The following RORA variants were observed in gnomAD, a reference collection of about 807,000 sequenced individuals.
RORA encodes RAR related orphan receptor A, also known as nuclear receptor ROR-alpha.
A neutral mutation model predicts 69.5 loss-of-function variants in RORA; 7 were observed. The observed-to-expected ratio is 0.10, with a 90% confidence interval of 0.06 to 0.19. The LOEUF is 0.19. Among genes scored for constraint, RORA ranks in the 10% least tolerant of loss-of-function variants. The pLI is 1.00. For synonymous variants in RORA, 261 were observed against 240.8 expected (o/e 1.08, Z -0.78); for missense variants, 457 against 663.0 (o/e 0.69, Z 3.41).
chr15:60,973,010 A>G (rs1893765845), intron 1 of RORA, among the ~76,000 whole-genome samples: 1 of 147,802 alleles, frequency 6.8e-6, no homozygotes, highest in Non-Finnish European at 1.5e-5. Context: ...AAAAAAAAAC[A>G]ATCAATGAGG....
At chr15:61,044,029 C>T (rs1896909740) in intron 1 of RORA, among the ~76,000 whole-genome samples, 1 of 152,124 alleles carries the variant, frequency 6.6e-6, no homozygotes, top group South Asian at 2.1e-4. Context: ...CCCCAGGCTC[C>T]TCCCACCCCC....
intron 1 of RORA, among the ~76,000 whole-genome samples, chr15:60,950,227 C>T (rs971170817): frequency 1.3e-5 from 2 of 150,600 alleles, no homozygotes; most frequent in African/African-American, 4.9e-5. Context: ...ACTTTACAGA[C>T]AAGCAAATGC....
chr15:60,664,731 C>T (rs192798440), intron 2 of RORA, among the ~76,000 whole-genome samples: 99 of 152,200 alleles, frequency 6.5e-4, no homozygotes, highest in African/African-American at 2.2e-3. Context: ...GTTAGGTCAT[C>T]GCCTAAGGAG....
In RORA at chr15:60,896,784, T is replaced by G. The variant is rs143554670; in HGVS notation, c.167-218098A>C. On this transcript the variant is annotated intron_variant, in intron 1 of 10. Transcript: ENST00000335670. ...TAGCCAAGGGAATTTAGGGTTGGAATGACACAGGCCTGAGTGGAAATTCAA... is the reference window on the plus strand; with the variant it reads ...TAGCCAAGGGAATTTAGGGTTGGAAGGACACAGGCCTGAGTGGAAATTCAA... Among the ~76,000 whole-genome samples, 810 of 147,696 alleles carry G rather than the reference T, an allele frequency of 5.5e-3. 9 individuals carry two copies. Among genetic ancestry groups the G allele is most frequent in the African/African-American group, 0.019 (766 of 39,868 alleles).
At chr15:61,059,947 G>C (rs1209095955) in intron 1 of RORA, among the ~76,000 whole-genome samples, 2 of 136,176 alleles carry the variant, frequency 1.5e-5, no homozygotes, top group Admixed American at 7.4e-5. Context: ...AGAAGAAGAA[G>C]AAGAAGAAGA....
At chr15:61,097,621 T>TA (rs2078810384) in intron 1 of RORA, among the ~76,000 whole-genome samples, 1 of 152,174 alleles carries the variant, frequency 6.6e-6, no homozygotes, top group Non-Finnish European at 1.5e-5. Flanking sequence ...AATAAGTGGA[T>TA]AAAATAAAGT....
At chr15:61,047,275 C>G (rs1394332624) in intron 1 of RORA, among the ~76,000 whole-genome samples, 1 of 152,254 alleles carries the variant, frequency 6.6e-6, no homozygotes, top group Non-Finnish European at 1.5e-5. Context: ...CCTGCAGAAG[C>G]CCTTGCCACA....
chr15:61,088,012 A>G (rs1186550607), intron 1 of RORA, among the ~76,000 whole-genome samples: 5 of 152,238 alleles, frequency 3.3e-5, no homozygotes, highest in African/African-American at 1.2e-4. Context: ...TCAATGCTAC[A>G]CAGTTTGAAA....
intron 1 of RORA, among the ~76,000 whole-genome samples, chr15:60,923,590 A>G (rs920825730): frequency 6.6e-6 from 1 of 152,222 alleles, no homozygotes; most frequent in Non-Finnish European, 1.5e-5. Context: ...TCTTTTTAAA[A>G]AAGGCACATA....
chr15:60,823,199 T>G (rs1439367500), intron 1 of RORA, among the ~76,000 whole-genome samples: 1 of 151,640 alleles, frequency 6.6e-6, no homozygotes, highest in Non-Finnish European at 1.5e-5. Context: ...CCTTCCTCCC[T>G]TCCTTTCTGA....
Position 60,534,222 on chromosome 15 carries a change from G to T in RORA, c.197-2371C>A, listed in dbSNP as rs1352901966. ...TCTGCTCATGATGGGGGTGGCCTTG[G>T]GAGTACTATACTGGCCCCAGCACTT... On this transcript the variant is annotated intron_variant, in intron 2 of 10. Transcript: ENST00000335670. This position sits in a 1 kb window ranked among gnomAD's most constrained non-coding sequence, Gnocchi z 5.0. Among the ~76,000 whole-genome samples the T allele has an allele frequency of 6.6e-6, 1 of 152,148 alleles. No homozygotes were observed. Among genetic ancestry groups the T allele is most frequent in the Non-Finnish European group, 1.5e-5 (1 of 68,036 alleles).
At chr15:60,634,411 T>C (rs1452802378) in intron 2 of RORA, among the ~76,000 whole-genome samples, 6 of 150,604 alleles carry the variant, frequency 4.0e-5, no homozygotes, top group African/African-American at 1.0e-4. Flanking sequence ...TTTTTTTTTT[T>C]TTTCTTTTTT....
At chr15:61,047,132 T>A (rs1897070055) in intron 1 of RORA, among the ~76,000 whole-genome samples, 1 of 152,226 alleles carries the variant, frequency 6.6e-6, no homozygotes, top group Non-Finnish European at 1.5e-5. Context: ...GTCTCTGGCA[T>A]GCTGAGCGGC....
chr15:60,532,222 A>G (rs938358962), intron 2 of RORA, among the ~76,000 whole-genome samples: 4 of 152,210 alleles, frequency 2.6e-5, no homozygotes, highest in African/African-American at 9.7e-5. Context: ...AAGATCATAA[A>G]TCTGTCTTGG....
chr15:61,048,683 G>A (rs2140493609), intron 1 of RORA, among the ~76,000 whole-genome samples: 1 of 152,244 alleles, frequency 6.6e-6, no homozygotes, highest in Non-Finnish European at 1.5e-5. Flanking sequence ...CTTTGACGTC[G>A]AGTCCAACAG....
At chr15:61,107,283 G>A (rs1487438692) in intron 1 of RORA, among the ~76,000 whole-genome samples, 1 of 152,158 alleles carries the variant, frequency 6.6e-6, no homozygotes, top group Non-Finnish European at 1.5e-5. Flanking sequence ...ATCCAAGTAA[G>A]ACCATCTAAG....
intron 1 of RORA, among the ~76,000 whole-genome samples, chr15:61,184,809 G>T (rs1424101179): frequency 1.3e-5 from 2 of 151,652 alleles, no homozygotes; most frequent in Non-Finnish European, 2.9e-5. Context: ...AACATAGTGA[G>T]ACCCCTACAA....
chr15:60,823,914 G>C (rs1595744051), intron 1 of RORA, among the ~76,000 whole-genome samples: 2 of 151,968 alleles, frequency 1.3e-5, no homozygotes, highest in Non-Finnish European at 2.9e-5. Flanking sequence ...TCTTGGGGGT[G>C]GCCAGCATAT....
chr15:61,122,611 T>A (rs1162205574), intron 1 of RORA, among the ~76,000 whole-genome samples: 1 of 152,154 alleles, frequency 6.6e-6, no homozygotes, highest in Non-Finnish European at 1.5e-5. Flanking sequence ...TATCACTTTT[T>A]TTCAGATGAA....
Sources: gnomAD v4.1 joint callset for allele counts (sites outside exome capture counted in the v4.1 genomes callset) on GRCh38, gnomAD v4.1.1 for gene constraint, Gnocchi (gnomAD v3.1) non-coding constraint, MANE v1.5 for transcripts, NCBI Gene and HGNC (gene_info 2026-07-23, HGNC 2026-07-21) for gene names.